The following HECW2 variants were observed in gnomAD, a reference collection of about 807,000 sequenced individuals.
The protein encoded by HECW2 is HECT, C2 and WW domain containing E3 ubiquitin protein ligase 2, also known as E3 ubiquitin-protein ligase HECW2.
HECW2 carries 61 observed loss-of-function variants against 175.2 expected under a neutral mutation model. That is an observed-to-expected ratio of 0.35 (90% confidence interval 0.28 to 0.43). HECW2 has a LOEUF of 0.43. Ranked by LOEUF, HECW2 falls within the 20% of genes least tolerant of loss-of-function variation. The pLI is 1.00. For synonymous variants in HECW2, 671 were observed against 731.0 expected (o/e 0.92, Z 1.32); for missense variants, 1,524 against 2,000.5 (o/e 0.76, Z 4.54).
chr2:196,507,538 A>G (rs1224511849), intron 1 of HECW2, among the ~76,000 whole-genome samples: 2 of 152,208 alleles, frequency 1.3e-5, no homozygotes, highest in Non-Finnish European at 2.9e-5. Flanking sequence ...ACACACAGGA[A>G]AGCTCCCCAC....
In HECW2 at chr2:196,515,961, T is replaced by TA. The variant is rs147600205; in HGVS notation, c.-36+77546dup. On this transcript the variant is annotated intron_variant, in intron 1 of 28. Coordinates refer to ENST00000644978, the MANE Select transcript of HECW2 (RefSeq NM_001348768.2). ...CAACAGGGCGAAACCACCTCTCTAC[T>TA]AAAAAAAAAAGTACAAAAAAAAAAA... Among the ~76,000 whole-genome samples the TA allele has an allele frequency of 8.4e-4, 105 of 124,408 alleles. 4 individuals carry two copies. In the East Asian group the frequency reaches 0.016, roughly 19 times the overall value. 81.6% of individuals were successfully genotyped at this position (124,408 alleles called of 152,430 possible).
chr2:196,389,417 G>A (rs779290726), intron 2 of HECW2, among the ~76,000 whole-genome samples: 1 of 152,096 alleles, frequency 6.6e-6, no homozygotes, highest in East Asian at 1.9e-4. Context: ...AGGATGTGGT[G>A]GATACCATAC....
At chr2:196,269,494 T>TC (rs1318033997) in intron 17 of HECW2, 2 of 19,900 alleles carry the variant, frequency 1.0e-4, no homozygotes, top group Admixed American at 5.3e-4. Flanking sequence ...TCCCCCTACC[T>TC]CCAAAAAAAA....
At chr2:196,331,152 G>A in intron 4 of HECW2, 1 of 985,334 alleles carries the variant, frequency 1.0e-6, no homozygotes, top group Non-Finnish European at 1.2e-6. Flanking sequence ...TGCTTCACAT[G>A]TCCTCTGCAA....
chr2:196,308,213 A>T, intron 10 of HECW2, 128 bp from the exon 11 acceptor site: 1 of 613,546 alleles, frequency 1.6e-6, no homozygotes, highest in Non-Finnish European at 2.6e-6. Context: ...CATACATCTC[A>T]CTGCACTATC....
chr2:196,447,084 G>A (rs1182727488), intron 1 of HECW2, among the ~76,000 whole-genome samples: 2 of 152,144 alleles, frequency 1.3e-5, no homozygotes, highest in African/African-American at 4.8e-5. Context: ...TAAGGAAACA[G>A]TTCTCTTCAG....
At chr2:196,565,210 C>G (rs1325832453) in intron 1 of HECW2, among the ~76,000 whole-genome samples, 1 of 152,050 alleles carries the variant, frequency 6.6e-6, no homozygotes, top group Non-Finnish European at 1.5e-5. Context: ...TAGTCAGAAG[C>G]TATGCCAGAG....
At chr2:196,555,023 T>C (rs1264211274) in intron 1 of HECW2, among the ~76,000 whole-genome samples, 2 of 152,052 alleles carry the variant, frequency 1.3e-5, no homozygotes, top group Admixed American at 6.5e-5. Flanking sequence ...CAAAGGGGGA[T>C]TGTCAAACCT....
At chr2:196,364,748 A>G (rs1693697581) in intron 2 of HECW2, among the ~76,000 whole-genome samples, 2 of 152,252 alleles carry the variant, frequency 1.3e-5, no homozygotes, top group Non-Finnish European at 2.9e-5. Flanking sequence ...AACATTAAAT[A>G]AATATAAAAT....
intron 1 of HECW2, among the ~76,000 whole-genome samples, chr2:196,500,404 C>T (rs955040626): frequency 2.6e-5 from 4 of 152,150 alleles, no homozygotes; most frequent in Non-Finnish European, 4.4e-5. Flanking sequence ...TACATGCAAT[C>T]TTACACCATC....
chr2:196,394,972 T>A (rs1040227766), intron 2 of HECW2, among the ~76,000 whole-genome samples: 1 of 152,206 alleles, frequency 6.6e-6, no homozygotes, highest in Non-Finnish European at 1.5e-5. Context: ...TGCTTCCTCA[T>A]AAATAATGCC....
chr2:196,540,800 G>T (rs768312371), intron 1 of HECW2, among the ~76,000 whole-genome samples: 1 of 152,052 alleles, frequency 6.6e-6, no homozygotes. Context: ...CAATGAACAG[G>T]AGTCACTATG....
At chr2:196,394,125 C>G (rs1208875490) in intron 2 of HECW2, among the ~76,000 whole-genome samples, 14 of 149,458 alleles carry the variant, frequency 9.4e-5, no homozygotes, top group African/African-American at 3.2e-4. Context: ...GGGTGGGGAA[C>G]ATCCCACACT....
At chr2:196,505,200 A>G (rs1687716559) in intron 1 of HECW2, among the ~76,000 whole-genome samples, 1 of 152,232 alleles carries the variant, frequency 6.6e-6, no homozygotes, top group Non-Finnish European at 1.5e-5. Context: ...TAATTTAAAA[A>G]ACCAAGACAG....
intron 1 of HECW2, among the ~76,000 whole-genome samples, chr2:196,513,156 T>C (rs1304444173): frequency 6.6e-6 from 1 of 152,224 alleles, no homozygotes; most frequent in Non-Finnish European, 1.5e-5. Flanking sequence ...TATTTTATAA[T>C]ATTCTAAATT....
At chr2:196,339,118 G>A (rs1559052121) in intron 3 of HECW2, among the ~76,000 whole-genome samples, 1 of 152,196 alleles carries the variant, frequency 6.6e-6, no homozygotes, top group Non-Finnish European at 1.5e-5. Flanking sequence ...GAAGATGGGG[G>A]ATGAAAAGCA....
intron 2 of HECW2, among the ~76,000 whole-genome samples, chr2:196,419,874 G>A (rs1188466498): frequency 1.3e-5 from 2 of 152,074 alleles, no homozygotes; most frequent in African/African-American, 2.4e-5. Context: ...ACTCCAAAAC[G>A]ATCCTCAGAG....
At chr2:196,365,648 C>T (rs982795146) in intron 2 of HECW2, among the ~76,000 whole-genome samples, 1 of 152,134 alleles carries the variant, frequency 6.6e-6, no homozygotes, top group Non-Finnish European at 1.5e-5. Flanking sequence ...GAGGTAGCTG[C>T]TAAAATATCA....
chr2:196,230,885 C>T (rs1029952088), intron 21 of HECW2, among the ~76,000 whole-genome samples: 7 of 151,980 alleles, frequency 4.6e-5, no homozygotes, highest in South Asian at 4.1e-4. Flanking sequence ...AGGCGGATCA[C>T]GAGGTCAGGA....
Sources: gnomAD v4.1 joint callset for allele counts (sites outside exome capture counted in the v4.1 genomes callset) on GRCh38, gnomAD v4.1.1 for gene constraint, MANE v1.5 for transcripts, NCBI Gene and HGNC (gene_info 2026-07-23, HGNC 2026-07-21) for gene names.